The following GRM1 variants were observed in gnomAD, a reference collection of about 807,000 sequenced individuals.
GRM1 encodes metabotropic glutamate receptor 1.
Under a neutral mutation model 90.9 loss-of-function variants are expected in GRM1, and 33 were observed. The ratio of observed to expected loss-of-function variants is 0.36; its 90% confidence interval spans 0.28 to 0.49. The LOEUF (loss-of-function observed/expected upper bound fraction) is 0.49, where lower values mean the gene tolerates loss of function less well. GRM1 is among the 20% of genes least tolerant of loss of function. The pLI, the probability that GRM1 is intolerant of heterozygous loss-of-function variation, is 0.99. For synonymous variants in GRM1, 700 were observed against 613.2 expected (o/e 1.14, Z -2.09); for missense variants, 1,190 against 1,534.3 (o/e 0.78, Z 3.75).
chr6:146,230,172 G>A (rs1780398480), intron 2 of GRM1, among the ~76,000 whole-genome samples: 1 of 152,178 alleles, frequency 6.6e-6, no homozygotes, highest in Non-Finnish European at 1.5e-5. Context: ...CTACTAAGCT[G>A]CTGAAAAGCA....
intron 2 of GRM1, among the ~76,000 whole-genome samples, chr6:146,244,302 C>A (rs565074845): frequency 6.6e-6 from 1 of 152,198 alleles, no homozygotes; most frequent in South Asian, 2.1e-4. Context: ...TCAGAGATTG[C>A]AGTAAAGATA....
chr6:146,104,920 A>T (rs1777176610), intron 1 of GRM1, among the ~76,000 whole-genome samples: 1 of 152,210 alleles, frequency 6.6e-6, no homozygotes, highest in Non-Finnish European at 1.5e-5. Flanking sequence ...CGTAAAAGAA[A>T]GCTAGAAAAA....
intron 1 of GRM1, among the ~76,000 whole-genome samples, chr6:146,030,527 G>A (rs1253717936): frequency 6.6e-6 from 1 of 152,212 alleles, no homozygotes; most frequent in Non-Finnish European, 1.5e-5. Flanking sequence ...GTTTGCGTTT[G>A]GAAGGCTTAT....
chr6:146,070,245 TC>T (rs1775980065), intron 1 of GRM1, among the ~76,000 whole-genome samples: 4 of 152,134 alleles, frequency 2.6e-5, no homozygotes, highest in Admixed American at 6.6e-5. Flanking sequence ...TTTAAAAATA[TC>T]CAAGAAAGCT....
At chr6:146,352,942 A>G (rs1223505495) in intron 4 of GRM1, among the ~76,000 whole-genome samples, 1 of 152,218 alleles carries the variant, frequency 6.6e-6, no homozygotes, top group African/African-American at 2.4e-5. Context: ...GTATGCAAAG[A>G]GAACTAAGTC....
chr6:146,231,781 A>G (rs953541817), intron 2 of GRM1, among the ~76,000 whole-genome samples: 9 of 151,990 alleles, frequency 5.9e-5, no homozygotes, highest in African/African-American at 1.9e-4. Context: ...ACCATGATAT[A>G]TTATTATTTG....
At position 146,159,509 on chromosome 6, in the gene GRM1, G is replaced by A; in HGVS notation, c.862G>A (p.Val288Ile). ...RERLPKARVV[V>I]CFCEGMTVRG... Reference sequence around the variant, plus strand: ...GAGGCTTCCCAAGGCTAGAGTGGTGGTCTGCTTCTGTGAAGGCATGACAGT... The same window carrying A: ...GAGGCTTCCCAAGGCTAGAGTGGTGATCTGCTTCTGTGAAGGCATGACAGT... Residue 288 changes from valine (V) to isoleucine (I), a missense_variant, in exon 2 of 8, where the codon GTC (valine) becomes ATC (isoleucine). Val to Ile is a conservative substitution (Grantham distance 29). Transcript: ENST00000282753. 1 of 1,614,166 alleles carries A rather than the reference G, an allele frequency of 6.2e-7. No individual in the cohort carries two copies. The highest frequency in any genetic ancestry group is 8.5e-7 in the Non-Finnish European group (1 of 1,180,016).
At chr6:146,142,911 G>T (rs1310240414) in intron 1 of GRM1, among the ~76,000 whole-genome samples, 2 of 152,166 alleles carry the variant, frequency 1.3e-5, no homozygotes, top group African/African-American at 4.8e-5. Context: ...TGGTACTTAG[G>T]CTGCAACACA....
upstream of GRM1, among the ~76,000 whole-genome samples, chr6:146,028,298 G>A (rs1395101312): frequency 6.6e-6 from 1 of 151,096 alleles, no homozygotes; most frequent in African/African-American, 2.4e-5. Flanking sequence ...GAACTCAGAG[G>A]AGGGAGGTTG....
chr6:146,155,959 G>A (rs1365886887), intron 1 of GRM1, among the ~76,000 whole-genome samples: 1 of 152,238 alleles, frequency 6.6e-6, no homozygotes, highest in East Asian at 1.9e-4. Context: ...ATCAATCACT[G>A]AGAACAAGAA....
chr6:146,159,027 C>G (rs969391644), intron 1 of GRM1, among the ~76,000 whole-genome samples: 3 of 152,208 alleles, frequency 2.0e-5, no homozygotes, highest in Non-Finnish European at 2.9e-5. Context: ...GCACTGATCT[C>G]TCCTACGTGG....
chr6:146,241,673 C>G (rs1346738048), intron 2 of GRM1, among the ~76,000 whole-genome samples: 3 of 152,128 alleles, frequency 2.0e-5, no homozygotes, highest in African/African-American at 7.2e-5. Context: ...TCTCCACCAG[C>G]TTTCAGCCTT....
At chr6:146,258,734 T>C (rs570047240) in intron 2 of GRM1, among the ~76,000 whole-genome samples, 10 of 152,224 alleles carry the variant, frequency 6.6e-5, no homozygotes, top group Non-Finnish European at 1.5e-4. Context: ...AGGGGCCCCA[T>C]GTGTTAAAAT....
chr6:146,086,756 G>A (rs929709273), intron 1 of GRM1, among the ~76,000 whole-genome samples: 4 of 151,988 alleles, frequency 2.6e-5, no homozygotes, highest in African/African-American at 9.7e-5. Flanking sequence ...ATATGCAGTG[G>A]ATCAGAACTG....
At chr6:146,297,812 C>A (rs1783235889) in intron 2 of GRM1, among the ~76,000 whole-genome samples, 1 of 152,192 alleles carries the variant, frequency 6.6e-6, no homozygotes. Context: ...TACAAGGGAG[C>A]AGCCCTGGAA....
chr6:146,337,447 A>C (rs772794677), intron 3 of GRM1, among the ~76,000 whole-genome samples: 2 of 152,216 alleles, frequency 1.3e-5, no homozygotes, highest in Non-Finnish European at 2.9e-5. Flanking sequence ...CACTTGGGGG[A>C]TATATTCCTA....
intron 3 of GRM1, among the ~76,000 whole-genome samples, chr6:146,343,313 A>G (rs1785047748): frequency 6.6e-6 from 1 of 152,158 alleles, no homozygotes; most frequent in South Asian, 2.1e-4. Context: ...CTTACTTTTT[A>G]TGGCTTTTTA....
At position 146,225,069 on chromosome 6, in the gene GRM1, T is replaced by G. The variant is rs1306404567; in HGVS notation, c.950+65472T>G. 2.0e-5 allele frequency among the ~76,000 whole-genome samples: 3 copies of G among 152,114 alleles called. 1 individual carries two copies. Among genetic ancestry groups the G allele is most frequent in the Non-Finnish European group, 4.4e-5 (3 of 68,010 alleles). On this transcript the variant is annotated intron_variant, in intron 2 of 7. Coordinates refer to ENST00000282753, the MANE Select transcript of GRM1 (RefSeq NM_001278064.2). ...CCAATTTTTCTCTGCTAAATTCTCC[T>G]TAGCCCTCTAGGTAGCACTTGTGGG...
intron 5 of GRM1, among the ~76,000 whole-genome samples, chr6:146,376,843 C>A (rs1259291721): frequency 6.6e-6 from 1 of 152,030 alleles, no homozygotes; most frequent in East Asian, 1.9e-4. Context: ...TCTCATAATT[C>A]CCACATGTCA....
Sources: gnomAD v4.1 joint callset for allele counts (sites outside exome capture counted in the v4.1 genomes callset) on GRCh38, gnomAD v4.1.1 for gene constraint, MANE v1.5 for transcripts, NCBI Gene and HGNC (gene_info 2026-07-23, HGNC 2026-07-21) for gene names.